The following CACNG6 variants were observed in gnomAD, a reference collection of about 807,000 sequenced individuals.
The protein encoded by CACNG6 is calcium voltage-gated channel auxiliary subunit gamma 6.
A neutral mutation model predicts 23.9 loss-of-function variants in CACNG6; 21 were observed. The ratio of observed to expected loss-of-function variants is 0.88; its 90% CI spans 0.62 to 1.26. The LOEUF (loss-of-function observed/expected upper bound fraction) is 1.26, where lower values mean the gene tolerates loss of function less well. Ranked by LOEUF, CACNG6 falls within the 50% of genes most tolerant of loss-of-function variation. The pLI, the probability that CACNG6 is intolerant of heterozygous loss-of-function variation, is 0.00. For synonymous variants in CACNG6, 182 were observed against 168.9 expected, an observed-to-expected ratio of 1.08 and a Z score of -0.60; for missense variants, 340 against 352.9, an observed-to-expected ratio of 0.96 and a Z score of 0.29.
intron 3 of CACNG6, among the ~76,000 whole-genome samples, chr19:54,010,089 T>C (rs2556362): frequency 0.74 from 100,958 of 136,888 alleles, 37,925 homozygotes; most frequent in East Asian, 0.95. Context: ...GGCGTGATCT[T>C]GGCTCACCAC....
intron 3 of CACNG6, among the ~76,000 whole-genome samples, chr19:54,006,985 T>C (rs1436545828): frequency 6.6e-6 from 1 of 151,828 alleles, no homozygotes; most frequent in Non-Finnish European, 1.5e-5. Flanking sequence ...CCAGTCACAT[T>C]GGATTAGGGT....
At chr19:53,994,773 C>G (rs1045869989) in intron 1 of CACNG6, among the ~76,000 whole-genome samples, 1 of 152,212 alleles carries the variant, frequency 6.6e-6, no homozygotes, top group Non-Finnish European at 1.5e-5. Context: ...CTCGATAGGA[C>G]AGTGGGATGC....
rs1480641539 is a variant in CACNG6 at position 54,012,511 on chromosome 19, G to T, written c.*322G>T. ...GATGAGGTCAGGGGGTCTTGGGTGG[G>T]AGTTGGGGGCCCCTTCATTTCCCAG... is the stretch of plus-strand genomic sequence containing the variant. On this transcript the variant is annotated 3_prime_UTR_variant, in exon 4 of 4. Coordinates refer to ENST00000252729, the MANE Select transcript of CACNG6 (RefSeq NM_145814.2). 4.3e-6 allele frequency: 1 copy of T among 233,492 alleles called. No individual in the cohort carries two copies. The highest frequency in any genetic ancestry group is 2.3e-5 in the African/African-American group (1 of 43,950). 14.5% of individuals were successfully genotyped at this position (233,492 alleles called of 1,614,324 possible).
At position 54,002,273 on chromosome 19, in the gene CACNG6, TTGTTTTTTTTG is replaced by T. The variant is rs1389815565; in HGVS notation, c.544+2504_544+2514del. Among the ~76,000 whole-genome samples the T allele has an allele frequency of 2.5e-4, 33 of 129,982 alleles. 2 individuals carry two copies. Among genetic ancestry groups the T allele is most frequent in the African/African-American group, 1.3e-3 (32 of 25,352 alleles). The allele number at this position is 129,982 out of a possible 152,430, so 85.3% of individuals were successfully genotyped here. A position where few individuals can be genotyped will look rare whatever the true frequency, so the allele number is the denominator to read the frequency against. On this transcript the variant is annotated intron_variant, in intron 3 of 3. Transcript: ENST00000252729. Reference sequence around the variant, plus strand: ...CAAGCCCGGCTAATTTTCGGTTTTTTTGTTTTTTTTGTTTTTTTTTTTTTTGTAGAGATAGG... The same window carrying T: ...CAAGCCCGGCTAATTTTCGGTTTTTTTTTTTTTTTTTTTTGTAGAGATAGG...
chr19:54,002,293 T>G lies in CACNG6; in HGVS notation c.544+2522T>G, dbSNP rs1228831166. Among the ~76,000 whole-genome samples the G allele has an allele frequency of 7.0e-4, 102 of 146,358 alleles. 1 individual carries two copies. Among genetic ancestry groups the G allele is most frequent in the East Asian group, 1.4e-3 (7 of 5,094 alleles). ...TTTTTTTGTTTTTTTTGTTTTTTTT[T>G]TTTTTGTAGAGATAGGGTTTCGCTG... On this transcript the variant is annotated intron_variant, in intron 3 of 3. Coordinates refer to ENST00000252729, the MANE Select transcript of CACNG6 (RefSeq NM_145814.2).
chr19:54,010,036 C>CTTTTTTT (rs199976621), intron 3 of CACNG6, among the ~76,000 whole-genome samples: 24 of 97,916 alleles, frequency 2.5e-4, no homozygotes, highest in African/African-American at 7.6e-4. Context: ...TATTTCTTTT[C>CTTTTTTT]TTTCTTTTTT....
At chr19:54,007,279 G>A (rs533943537) in intron 3 of CACNG6, among the ~76,000 whole-genome samples, 8 of 152,178 alleles carry the variant, frequency 5.3e-5, no homozygotes, top group South Asian at 2.1e-4. Context: ...AAACTCCTGC[G>A]ATCCGCTCGC....
At chr19:54,011,225 TATACACAC>T (rs2069707481) in intron 3 of CACNG6, among the ~76,000 whole-genome samples, 2 of 110,346 alleles carry the variant, frequency 1.8e-5, no homozygotes, top group African/African-American at 8.4e-5. Context: ...TATATATATA[TATACACAC>T]ACACACACAC....
rs777674290 is a variant in CACNG6 at position 54,012,235 on chromosome 19, T to G, written c.*46T>G. 4.8e-6 allele frequency: 4 copies of G among 834,312 alleles called. No homozygotes were observed. The South Asian group carries it at 9.6e-5, about 20-fold the overall frequency. 51.7% of individuals were successfully genotyped at this position (834,312 alleles called of 1,614,324 possible). A position where few individuals can be genotyped will look rare whatever the true frequency, so the allele number is the denominator to read the frequency against. ...TAAGCAACCACCGAGCCCTTTGACC[T>G]TCTCCATTGTACCCCCAAGATCTTT... On this transcript the variant is annotated 3_prime_UTR_variant, in exon 4 of 4. Coordinates refer to ENST00000252729, the MANE Select transcript of CACNG6 (RefSeq NM_145814.2).
At chr19:54,011,202 A>AT (rs1568820119) in intron 3 of CACNG6, among the ~76,000 whole-genome samples, 29 of 112,502 alleles carry the variant, frequency 2.6e-4, no homozygotes, top group Non-Finnish European at 4.0e-4. Flanking sequence ...AAAAAAAAAA[A>AT]AAAATATATA....
chr19:54,009,899 G>A (rs528516932), intron 3 of CACNG6, among the ~76,000 whole-genome samples: 1 of 150,548 alleles, frequency 6.6e-6, no homozygotes, highest in Non-Finnish European at 1.5e-5. Flanking sequence ...ACTCCAGCCT[G>A]GGTGTAAGAG....
chr19:54,006,609 C>G (rs2069650051), intron 3 of CACNG6, among the ~76,000 whole-genome samples: 1 of 148,584 alleles, frequency 6.7e-6, no homozygotes, highest in South Asian at 2.2e-4. Flanking sequence ...TCTCTGCTCA[C>G]TGCAACCTCC....
intron 3 of CACNG6, among the ~76,000 whole-genome samples, chr19:54,008,850 ATTTG>A (rs1158111330): frequency 6.6e-6 from 1 of 151,942 alleles, no homozygotes; most frequent in African/African-American, 2.4e-5. Flanking sequence ...TTGTCTCCTC[ATTTG>A]TTTATTTTGG....
At chr19:54,007,509 A>G (rs925228069) in intron 3 of CACNG6, among the ~76,000 whole-genome samples, 4 of 152,206 alleles carry the variant, frequency 2.6e-5, no homozygotes, top group African/African-American at 9.7e-5. Context: ...GAAACTCCAG[A>G]AGGACAGGGA....
At chr19:53,994,507 A>G (rs2069501570) in intron 1 of CACNG6, among the ~76,000 whole-genome samples, 1 of 152,010 alleles carries the variant, frequency 6.6e-6, no homozygotes, top group Non-Finnish European at 1.5e-5. Context: ...TGGGAACTGG[A>G]TGAAATCTCC....
At chr19:54,010,043 T>C (rs574049749) in intron 3 of CACNG6, among the ~76,000 whole-genome samples, 20 of 146,940 alleles carry the variant, frequency 1.4e-4, no homozygotes, top group African/African-American at 5.0e-4. Context: ...TTTCTTTCTT[T>C]TTTTTTTTTT....
chr19:53,999,379 G>A (rs1386796621), intron 2 of CACNG6, among the ~76,000 whole-genome samples: 4 of 152,146 alleles, frequency 2.6e-5, no homozygotes, highest in Admixed American at 6.6e-5. Flanking sequence ...CTAAGTAATA[G>A]TTGGTAATTC....
Position 54,012,232 on chromosome 19 carries a change from AC to A in CACNG6, c.*45del. 1.1e-6 allele frequency: 1 copy of A among 890,866 alleles called. No individual in the cohort carries two copies. The highest frequency in any genetic ancestry group is 2.3e-5 in the South Asian group (1 of 43,644). 55.2% of individuals were successfully genotyped at this position (890,866 alleles called of 1,614,324 possible). On this transcript the variant is annotated 3_prime_UTR_variant, in exon 4 of 4. Transcript: ENST00000252729. ...CTCTAAGCAACCACCGAGCCCTTTGACCTTCTCCATTGTACCCCCAAGATCT... is the reference window on the plus strand; with the variant it reads ...CTCTAAGCAACCACCGAGCCCTTTGACTTCTCCATTGTACCCCCAAGATCT...
intron 3 of CACNG6, among the ~76,000 whole-genome samples, chr19:54,001,195 T>C (rs569175926): frequency 6.6e-6 from 1 of 150,910 alleles, no homozygotes; most frequent in East Asian, 1.9e-4. Context: ...TTTCTTTCTT[T>C]TTTTTTTTTT....
Sources: allele counts gnomAD v4.1 joint callset (sites outside exome capture counted in the v4.1 genomes callset), GRCh38; gene constraint gnomAD v4.1.1; transcripts MANE v1.5; gene names NCBI Gene and HGNC (gene_info 2026-07-23, HGNC 2026-07-21).